Variants in ADGRL3 observed in about 807,000 individuals in gnomAD.
ADGRL3 encodes calcium-independent alpha-latrotoxin receptor 3.
A neutral mutation model predicts 153.5 loss-of-function variants in ADGRL3; 62 were observed. The observed-to-expected ratio is 0.40, with a 90% CI of 0.33 to 0.50. The LOEUF (loss-of-function observed/expected upper bound fraction) is 0.50, where lower values mean the gene tolerates loss of function less well. Ranked by LOEUF, ADGRL3 falls within the 20% of genes least tolerant of loss-of-function variation. The pLI is 0.47. For synonymous variants in ADGRL3, 710 were observed against 672.5 expected (o/e 1.06, Z -0.86); for missense variants, 1,641 against 1,859.4 (o/e 0.88, Z 2.16).
At chr4:62,001,764 G>C (rs1243161915) in intron 21 of ADGRL3, among the ~76,000 whole-genome samples, 3 of 152,014 alleles carry the variant, frequency 2.0e-5, no homozygotes. Context: ...CATTTATCTG[G>C]AAAACTTTTT....
intron 8 of ADGRL3, among the ~76,000 whole-genome samples, chr4:61,803,641 C>G (rs187269395): frequency 2.0e-5 from 3 of 152,048 alleles, no homozygotes. Context: ...CCTACGTTAA[C>G]TTGAAATAAT....
chr4:61,349,305 A>G (rs1477337105), intron 1 of ADGRL3, among the ~76,000 whole-genome samples: 1 of 152,104 alleles, frequency 6.6e-6, no homozygotes, highest in African/African-American at 2.4e-5. Flanking sequence ...CAACATTTAA[A>G]AAGTGTTCTC....
intron 1 of ADGRL3, among the ~76,000 whole-genome samples, chr4:61,381,222 T>C (rs2096663199): frequency 6.6e-6 from 1 of 151,818 alleles, no homozygotes; most frequent in Non-Finnish European, 1.5e-5. Context: ...GAAAGACACA[T>C]ATAATAGTGT....
At chr4:61,574,031 A>G (rs188825312) in intron 4 of ADGRL3, among the ~76,000 whole-genome samples, 1 of 152,098 alleles carries the variant, frequency 6.6e-6, no homozygotes, top group Non-Finnish European at 1.5e-5. Context: ...TTGTTTGATT[A>G]AAGGGAAATA....
chr4:61,404,780 T>C (rs570451056), intron 2 of ADGRL3, among the ~76,000 whole-genome samples: 2 of 152,234 alleles, frequency 1.3e-5, no homozygotes, highest in East Asian at 3.9e-4. Context: ...AATCCATTCA[T>C]GTTTTCAATA....
Position 61,979,719 on chromosome 4 carries a change from C to A in ADGRL3, c.2962C>A (p.Leu988Ile), listed in dbSNP as rs766143386. 2 of 1,614,040 alleles carry A rather than the reference C, an allele frequency of 1.2e-6. No homozygotes were observed. Among genetic ancestry groups the A allele is most frequent in the Non-Finnish European group, 8.5e-7 (1 of 1,179,932 alleles). ...NTIHKNLCIS[L>I]FVAELLFLIG... is the part of the protein sequence containing the mutation. ...CATCCACAAGAACCTCTGCATCAGT[C>A]TCTTTGTAGCAGAGCTGCTCTTCCT... The change falls in exon 18 of 27, where the codon CTC (leucine) becomes ATC (isoleucine). Residue 988 changes from leucine to isoleucine, a missense_variant. Physicochemically the swap from Leu to Ile is conservative, Grantham distance 5. Around this residue, in one of 5 missense-constraint regions of ADGRL3, gnomAD observed 734 missense variants for 797.0 expected, o/e 0.92. Transcript: ENST00000683033.
chr4:61,386,805 C>T (rs1312621482), intron 2 of ADGRL3, among the ~76,000 whole-genome samples: 1 of 152,076 alleles, frequency 6.6e-6, no homozygotes, highest in Non-Finnish European at 1.5e-5. Context: ...GAAATTCAGT[C>T]TTCATTTGGA....
At chr4:61,337,247 C>A (rs935027174) in intron 1 of ADGRL3, among the ~76,000 whole-genome samples, 1 of 152,128 alleles carries the variant, frequency 6.6e-6, no homozygotes. Context: ...CTTGTCTGAT[C>A]TGTTTTGTTT....
At chr4:61,248,899 C>T (rs1009002781) in intron 1 of ADGRL3, among the ~76,000 whole-genome samples, 2 of 152,114 alleles carry the variant, frequency 1.3e-5, no homozygotes, top group East Asian at 1.9e-4. Flanking sequence ...TCTGTCACTA[C>T]GTAAATAATA....
chr4:61,684,082 A>T (rs931423078), intron 6 of ADGRL3, among the ~76,000 whole-genome samples: 4 of 152,180 alleles, frequency 2.6e-5, no homozygotes, highest in Admixed American at 2.6e-4. Context: ...AGAGGTACAG[A>T]AAATAAACCC....
intron 9 of ADGRL3, among the ~76,000 whole-genome samples, chr4:61,863,347 C>T (rs1478605169): frequency 6.8e-6 from 1 of 146,228 alleles, no homozygotes; most frequent in Non-Finnish European, 1.5e-5. Flanking sequence ...ACGCCATTCT[C>T]CTGCCTCAGC....
intron 2 of ADGRL3, among the ~76,000 whole-genome samples, chr4:61,454,684 GATAT>G (rs536349202): frequency 3.3e-5 from 5 of 151,162 alleles, no homozygotes; most frequent in African/African-American, 4.9e-5. Context: ...AATATTACAT[GATAT>G]ATATATATAA....
At chr4:61,530,167 A>G (rs1447050403) in intron 4 of ADGRL3, among the ~76,000 whole-genome samples, 3 of 152,182 alleles carry the variant, frequency 2.0e-5, no homozygotes, top group Non-Finnish European at 4.4e-5. Context: ...GACATTATCT[A>G]CAGAGAGAAA....
intron 2 of ADGRL3, among the ~76,000 whole-genome samples, chr4:61,434,756 A>C (rs2097423266): frequency 6.6e-6 from 1 of 152,088 alleles, no homozygotes; most frequent in Admixed American, 6.6e-5. Context: ...AGTTTCTTCA[A>C]ATATGCTACT....
intron 3 of ADGRL3, among the ~76,000 whole-genome samples, chr4:61,499,100 G>A (rs932092893): frequency 2.0e-5 from 3 of 152,090 alleles, no homozygotes; most frequent in South Asian, 2.1e-4. Flanking sequence ...ATTGTAGTTC[G>A]TCAGTGATGC....
At chr4:61,553,272 C>T (rs2098748570) in intron 4 of ADGRL3, among the ~76,000 whole-genome samples, 1 of 152,066 alleles carries the variant, frequency 6.6e-6, no homozygotes, top group South Asian at 2.1e-4. Flanking sequence ...GCAAAAAGAG[C>T]ATTTCTATTC....
In ADGRL3 at chr4:62,073,985, A is replaced by AT. The variant is rs1428267050; in HGVS notation, c.*3081dup. Reference sequence around the variant, plus strand: ...AAATTTGCATATATCTAACATATTCATTTTGTCCTGTTTACACTAGCAAGG... The same window carrying AT: ...AAATTTGCATATATCTAACATATTCATTTTTGTCCTGTTTACACTAGCAAGG... On this transcript the variant is annotated 3_prime_UTR_variant, in exon 27 of 27. Coordinates refer to ENST00000683033, the MANE Select transcript of ADGRL3 (RefSeq NM_001387552.1). The AT allele has an allele frequency of 6.6e-6, 1 of 152,064 alleles. No homozygotes were observed. The highest frequency in any genetic ancestry group is 1.5e-5 in the Non-Finnish European group (1 of 68,000). The allele number at this position is 152,064 out of a possible 1,614,324, so 9.4% of individuals were successfully genotyped here.
chr4:62,018,102 C>A (rs904128525), intron 21 of ADGRL3, among the ~76,000 whole-genome samples: 7 of 152,132 alleles, frequency 4.6e-5, no homozygotes, highest in Admixed American at 1.3e-4. Context: ...AGTGCTGCAA[C>A]ATGTACTGCA....
At chr4:61,406,165 G>A (rs2096992905) in intron 2 of ADGRL3, among the ~76,000 whole-genome samples, 1 of 151,684 alleles carries the variant, frequency 6.6e-6, no homozygotes, top group South Asian at 2.1e-4. Flanking sequence ...GCTTCTTAAA[G>A]ATAGATGAGA....
Sources: allele counts gnomAD v4.1 joint callset (sites outside exome capture counted in the v4.1 genomes callset), GRCh38; gene constraint gnomAD v4.1.1; regional missense constraint gnomAD v4.1.1; transcripts MANE v1.5; gene names NCBI Gene and HGNC (gene_info 2026-07-23, HGNC 2026-07-21).